The following NTM variants were observed in gnomAD, a reference collection of about 807,000 sequenced individuals.
NTM encodes the protein neurotrimin, also known as IgLON family member 2.
In NTM, 13 loss-of-function variants were observed where a neutral mutation model predicts 42.1. The observed-to-expected ratio is 0.31, with a 90% confidence interval of 0.20 to 0.49. The LOEUF is 0.49. Ranked by LOEUF, NTM falls within the 20% of genes least tolerant of loss-of-function variation. The pLI, the probability that NTM is intolerant of heterozygous loss-of-function variation, is 0.99. For missense variants in NTM, 373 were observed against 452.8 expected (o/e 0.82, Z 1.60); for synonymous variants, 187 against 179.2 (o/e 1.04, Z -0.35).
At chr11:131,387,878 G>C (rs1211518774) in intron 1 of NTM, among the ~76,000 whole-genome samples, 1 of 152,154 alleles carries the variant, frequency 6.6e-6, no homozygotes, top group Admixed American at 6.5e-5. Context: ...AGCCTTCCTG[G>C]GGACCCCGGT....
intron 1 of NTM, among the ~76,000 whole-genome samples, chr11:131,697,969 C>A (rs906717171): frequency 1.3e-5 from 2 of 152,192 alleles, no homozygotes; most frequent in Admixed American, 6.5e-5. Flanking sequence ...CTGTCAGGGG[C>A]TCCAGGAGTG....
intron 4 of NTM, among the ~76,000 whole-genome samples, chr11:132,261,162 G>A (rs529045273): frequency 6.6e-6 from 1 of 152,270 alleles, no homozygotes; most frequent in African/African-American, 2.4e-5. Flanking sequence ...TAGAAAAGGT[G>A]GGCTTTTTAT....
chr11:131,503,172 G>T (rs1031628733), intron 1 of NTM, among the ~76,000 whole-genome samples: 2 of 152,166 alleles, frequency 1.3e-5, no homozygotes, highest in African/African-American at 4.8e-5. Flanking sequence ...AAGGGGAGCC[G>T]TTGATGATGA....
chr11:131,732,082 A>G (rs753436706), intron 1 of NTM, among the ~76,000 whole-genome samples: 7 of 152,316 alleles, frequency 4.6e-5, no homozygotes, highest in Admixed American at 1.3e-4. Context: ...CCACGTATTC[A>G]TCTATAAACT....
rs1016161330 is a variant in NTM at position 131,968,944 on chromosome 11, G to C, written c.167+57296G>C. 2.6e-5 allele frequency among the ~76,000 whole-genome samples: 4 copies of C among 152,146 alleles called. No homozygotes were observed. In the South Asian group the frequency reaches 8.3e-4, roughly 32 times the overall value. On this transcript the variant is annotated intron_variant, in intron 2 of 8. Coordinates refer to ENST00000683400, the MANE Select transcript of NTM (RefSeq NM_001352005.2). ...GAACTCCCTTATGGATTATTTGTCA[G>C]TAGGCAAGGGGATGCTACCTCTATA...
intron 4 of NTM, among the ~76,000 whole-genome samples, chr11:132,293,379 G>A (rs1307687580): frequency 6.6e-6 from 1 of 152,198 alleles, no homozygotes; most frequent in Non-Finnish European, 1.5e-5. Flanking sequence ...CTCCAGGAGA[G>A]CCCATGTCCC....
At chr11:131,422,640 AC>A in intron 1 of NTM, among the ~76,000 whole-genome samples, 1 of 152,174 alleles carries the variant, frequency 6.6e-6, no homozygotes, top group Non-Finnish European at 1.5e-5. Context: ...CTTCTAGACA[AC>A]TATCTGGGCA....
chr11:131,514,449 A>C (rs1409197720), intron 1 of NTM, among the ~76,000 whole-genome samples: 1 of 152,246 alleles, frequency 6.6e-6, no homozygotes, highest in Non-Finnish European at 1.5e-5. Flanking sequence ...TAAAAGGCAG[A>C]TACGGGAGCC....
intron 1 of NTM, among the ~76,000 whole-genome samples, chr11:131,508,136 T>C (rs1188567353): frequency 6.8e-6 from 1 of 145,986 alleles, no homozygotes; most frequent in Non-Finnish European, 1.5e-5. Context: ...AACCTACTCA[T>C]CTGACAAAGG....
chr11:131,716,471 T>C (rs1224796616), intron 1 of NTM, among the ~76,000 whole-genome samples: 1 of 152,182 alleles, frequency 6.6e-6, no homozygotes, highest in Non-Finnish European at 1.5e-5. Context: ...GTTGTACCAT[T>C]TTTCATTCCC....
In NTM at chr11:132,335,118, TGGTCTTGCA is replaced by T. The variant is rs2095862244; in HGVS notation, c.1041_1049del (p.Val348_His350del). The T allele has an allele frequency of 4.3e-6, 7 of 1,612,796 alleles. No individual in the cohort carries two copies. The highest frequency in any genetic ancestry group is 1.6e-4 in the Middle Eastern group (1 of 6,062). ...GGCTGCGTCTGGCTGCTGCCTCTTC[TGGTCTTGCA>T]CCTGCTTCTCAAATTTTGATGTGAG... On this transcript the variant is annotated inframe_deletion, in exon 9 of 9. Coordinates refer to ENST00000683400, the MANE Select transcript of NTM (RefSeq NM_001352005.2).
At chr11:131,592,726 C>T (rs1259793194) in intron 1 of NTM, among the ~76,000 whole-genome samples, 1 of 151,674 alleles carries the variant, frequency 6.6e-6, no homozygotes, top group African/African-American at 2.4e-5. Context: ...GTTTCCTCCT[C>T]CTTCCCCACC....
chr11:132,276,906 G>A (rs2093747688), intron 4 of NTM, among the ~76,000 whole-genome samples: 1 of 152,170 alleles, frequency 6.6e-6, no homozygotes, highest in South Asian at 2.1e-4. Flanking sequence ...CCGAGGTGTA[G>A]GGGTGGTCTT....
intron 1 of NTM, chr11:131,662,379 C>G (rs1260087500): frequency 6.6e-6 from 1 of 152,230 alleles, no homozygotes; most frequent in Non-Finnish European, 1.5e-5. Context: ...ATTTTCACGG[C>G]TGCAGACACA....
chr11:131,590,167 T>C (rs1319938741), intron 1 of NTM, among the ~76,000 whole-genome samples: 1 of 152,200 alleles, frequency 6.6e-6, no homozygotes, highest in Non-Finnish European at 1.5e-5. Flanking sequence ...AGGGAGAACC[T>C]CTGTCCCCTC....
chr11:131,573,968 G>C (rs1685904686), intron 1 of NTM, among the ~76,000 whole-genome samples: 1 of 152,188 alleles, frequency 6.6e-6, no homozygotes, highest in African/African-American at 2.4e-5. Flanking sequence ...CCTCATGCTA[G>C]CTTAGGGGAT....
chr11:131,526,064 G>C (rs572841043), intron 1 of NTM, among the ~76,000 whole-genome samples: 1 of 146,760 alleles, frequency 6.8e-6, no homozygotes, highest in East Asian at 2.0e-4. Context: ...AGGTGCAGGT[G>C]TGCTCTGGCT....
chr11:131,397,394 A>G (rs1944680607), intron 1 of NTM, among the ~76,000 whole-genome samples: 1 of 152,070 alleles, frequency 6.6e-6, no homozygotes, highest in African/African-American at 2.4e-5. Flanking sequence ...CATTTTATAC[A>G]GGGGTAAACT....
chr11:131,778,643 T>C (rs968612047), intron 1 of NTM, among the ~76,000 whole-genome samples: 2 of 152,224 alleles, frequency 1.3e-5, no homozygotes, highest in Non-Finnish European at 2.9e-5. Flanking sequence ...CTCTAGCATA[T>C]AGTGATGGTA....
Sources: allele counts gnomAD v4.1 joint callset (sites outside exome capture counted in the v4.1 genomes callset), GRCh38; gene constraint gnomAD v4.1.1; transcripts MANE v1.5; gene names NCBI Gene and HGNC (gene_info 2026-07-23, HGNC 2026-07-21).